TBC1D32: variants seen among roughly 807,000 people sequenced by gnomAD.
TBC1D32 encodes the protein protein broad-minded.
TBC1D32 carries 151 observed loss-of-function variants against 170.3 expected under a neutral mutation model. The ratio of observed to expected loss-of-function variants is 0.89; its 90% CI spans 0.78 to 1.01. The LOEUF (loss-of-function observed/expected upper bound fraction) is 1.01. Ranked by LOEUF, TBC1D32 falls within the 50% of genes least tolerant of loss-of-function variation. The pLI is 0.00. For missense variants in TBC1D32, 1,464 were observed against 1,457.1 expected (o/e 1.00, Z -0.08); for synonymous variants, 498 against 488.0 (o/e 1.02, Z -0.27).
intron 15 of TBC1D32, among the ~76,000 whole-genome samples, chr6:121,266,405 T>G (rs1315979696): frequency 6.6e-6 from 1 of 152,080 alleles, no homozygotes; most frequent in Non-Finnish European, 1.5e-5. Context: ...TATTAAAAAG[T>G]CAAGGAACAA....
chr6:121,145,620 A>G (rs564106827), intron 24 of TBC1D32, among the ~76,000 whole-genome samples: 86 of 152,340 alleles, frequency 5.6e-4, no homozygotes, highest in Non-Finnish European at 1.1e-3. Flanking sequence ...TTATCATCAG[A>G]AAAATAAGCA....
intron 30 of TBC1D32, among the ~76,000 whole-genome samples, chr6:121,097,467 G>A (rs1222240505): frequency 6.6e-6 from 1 of 152,124 alleles, no homozygotes; most frequent in Admixed American, 6.5e-5. Flanking sequence ...GGTCATTAAA[G>A]AAATGCAAAT....
intron 30 of TBC1D32, among the ~76,000 whole-genome samples, chr6:121,104,601 GA>G (rs1249266439): frequency 6.6e-6 from 1 of 151,270 alleles, no homozygotes; most frequent in South Asian, 2.1e-4. Context: ...CACAAGTCTA[GA>G]AAAAATATAA....
intron 15 of TBC1D32, among the ~76,000 whole-genome samples, chr6:121,273,516 T>C (rs1183433359): frequency 6.6e-6 from 1 of 150,732 alleles, no homozygotes; most frequent in Non-Finnish European, 1.5e-5. Flanking sequence ...AGGGATAGCA[T>C]TAAGAGATAT....
chr6:121,090,818 A>T (rs1275432788), intron 31 of TBC1D32, 35 bp downstream of exon 31: 4 of 1,577,934 alleles, frequency 2.5e-6, no homozygotes, highest in Non-Finnish European at 3.4e-6. Context: ...TTAGCTATTA[A>T]CTCAACATTT....
chr6:121,256,110 C>G lies in TBC1D32; in HGVS notation c.1909G>C (p.Glu637Gln). ...TTTTTCCATGCCTTTGCTATAGATT[C>G]ATGCAAATTATAAGTGATTAACACC... Reference protein sequence around the residue: ...LQVLITYNLHESIAKAWKKTS... With the variant: ...LQVLITYNLHQSIAKAWKKTS... Residue 637 changes from glutamate to glutamine, a missense_variant, in exon 16 of 32, where the codon GAA becomes CAA. Physicochemically the swap from Glu to Gln is conservative, Grantham distance 29 (BLOSUM62 2). Coordinates refer to ENST00000398212, the MANE Select transcript of TBC1D32 (RefSeq NM_152730.6). 1.2e-6 allele frequency: 2 copies of G among 1,612,984 alleles called. No individual in the cohort carries two copies. Among genetic ancestry groups the G allele is most frequent in the Non-Finnish European group, 1.7e-6 (2 of 1,179,772 alleles).
chr6:121,134,037 A>T (rs763810955), intron 24 of TBC1D32, among the ~76,000 whole-genome samples: 1 of 152,132 alleles, frequency 6.6e-6, no homozygotes, highest in Non-Finnish European at 1.5e-5. Flanking sequence ...GAATTAGGTA[A>T]AGACTTAATT....
intron 24 of TBC1D32, among the ~76,000 whole-genome samples, chr6:121,141,324 G>A (rs980088248): frequency 3.3e-5 from 5 of 152,144 alleles, no homozygotes; most frequent in African/African-American, 1.2e-4. Context: ...TAGTATTCCA[G>A]GAAAAGGGAG....
At chr6:121,282,791 C>G (rs1803215870) in intron 13 of TBC1D32, among the ~76,000 whole-genome samples, 1 of 151,516 alleles carries the variant, frequency 6.6e-6, no homozygotes, top group Non-Finnish European at 1.5e-5. Context: ...GTATTTAGAA[C>G]AAAGAAAGAT....
intron 15 of TBC1D32, among the ~76,000 whole-genome samples, chr6:121,274,244 A>G (rs958064324): frequency 6.6e-6 from 1 of 151,942 alleles, no homozygotes; most frequent in Non-Finnish European, 1.5e-5. Flanking sequence ...GAGGCAAAAG[A>G]ATTGCTTGAA....
intron 9 of TBC1D32, among the ~76,000 whole-genome samples, chr6:121,300,670 A>G (rs1238760638): frequency 2.0e-5 from 3 of 152,152 alleles, no homozygotes; most frequent in African/African-American, 2.4e-5. Flanking sequence ...AATGACAACA[A>G]AAGCCAAAAT....
chr6:121,118,375 CTAGAGT>C (rs978988810), intron 26 of TBC1D32, among the ~76,000 whole-genome samples: 5 of 152,110 alleles, frequency 3.3e-5, no homozygotes, highest in African/African-American at 1.2e-4. Context: ...TCAATCTAAG[CTAGAGT>C]TAATCATTAA....
At chr6:121,309,609 A>T (rs1583687461) in intron 4 of TBC1D32, among the ~76,000 whole-genome samples, 4 of 152,302 alleles carry the variant, frequency 2.6e-5, no homozygotes, top group Non-Finnish European at 5.9e-5. Flanking sequence ...TTAAAAAAAA[A>T]ATCTTCAAAA....
intron 20 of TBC1D32, among the ~76,000 whole-genome samples, chr6:121,228,713 G>A (rs530260231): frequency 3.9e-5 from 6 of 152,152 alleles, no homozygotes; most frequent in East Asian, 1.9e-4. Flanking sequence ...AAAAGAATGC[G>A]TATTCTGTAG....
At chr6:121,124,959 G>C (rs1188026275) in intron 26 of TBC1D32, among the ~76,000 whole-genome samples, 1 of 151,964 alleles carries the variant, frequency 6.6e-6, no homozygotes, top group Non-Finnish European at 1.5e-5. Context: ...GAAGTATGTT[G>C]AACTTCCTTA....
chr6:121,273,638 TA>T (rs35856036), intron 15 of TBC1D32, among the ~76,000 whole-genome samples: 1,480 of 140,386 alleles, frequency 0.011, 14 homozygotes, highest in African/African-American at 0.028. Context: ...AAGTATAATT[TA>T]AAAAAAAAAA....
intron 30 of TBC1D32, among the ~76,000 whole-genome samples, chr6:121,102,612 G>A (rs1445779285): frequency 6.6e-6 from 1 of 152,038 alleles, no homozygotes; most frequent in Non-Finnish European, 1.5e-5. Flanking sequence ...AGACTTAAAT[G>A]TTAGACCTAA....
At chr6:121,093,738 C>T (rs1319837758) in intron 30 of TBC1D32, among the ~76,000 whole-genome samples, 1 of 152,110 alleles carries the variant, frequency 6.6e-6, no homozygotes, top group African/African-American at 2.4e-5. Flanking sequence ...GTTTCCTGTA[C>T]ATTGTCTTTT....
chr6:121,301,288 C>T (rs1806438087), intron 9 of TBC1D32, among the ~76,000 whole-genome samples: 1 of 152,094 alleles, frequency 6.6e-6, no homozygotes, highest in South Asian at 2.1e-4. Context: ...TTGGAACCAA[C>T]CCAAATGCCC....
Sources: allele counts gnomAD v4.1 joint callset (sites outside exome capture counted in the v4.1 genomes callset), GRCh38; gene constraint gnomAD v4.1.1; transcripts MANE v1.5; gene names NCBI Gene and HGNC (gene_info 2026-07-23, HGNC 2026-07-21).